Variants in S100A8 observed in about 807,000 individuals in gnomAD.
S100A8 encodes protein S100-A8.
A neutral mutation model predicts 4.2 loss-of-function variants in S100A8; 1 was observed. The ratio of observed to expected loss-of-function variants is 0.24; its 90% CI spans 0.08 to 1.12. The LOEUF is 1.12. Among genes scored for constraint, S100A8 ranks in the 50% most tolerant of loss-of-function variants. The pLI, the probability that S100A8 is intolerant of heterozygous loss-of-function variation, is 0.53. For missense variants in S100A8, 96 were observed against 111.8 expected (o/e 0.86, Z 0.64); for synonymous variants, 41 against 44.7 (o/e 0.92, Z 0.33).
the S100A8 span, among the ~76,000 whole-genome samples, chr1:153,415,181 T>C: frequency 2.6e-5 from 4 of 151,126 alleles, no homozygotes; most frequent in African/African-American, 9.9e-5. Flanking sequence ...TTTGTGTGTG[T>C]GTGCGTGTGT....
chr1:153,395,446 C>T (rs575915061), upstream of S100A8, among the ~76,000 whole-genome samples: 1 of 152,150 alleles, frequency 6.6e-6, no homozygotes, highest in Non-Finnish European at 1.5e-5. Flanking sequence ...TCTGGATCCT[C>T]CTCTCCCTCA....
chr1:153,390,724 G>C, intron 1 of S100A8, 167 bp from the exon 2 acceptor site: 2 of 820,868 alleles, frequency 2.4e-6, no homozygotes, highest in Non-Finnish European at 3.8e-6. Flanking sequence ...TGGGATGATA[G>C]GGATACACGT....
the S100A8 span, among the ~76,000 whole-genome samples, chr1:153,412,747 A>G: frequency 9.8e-5 from 15 of 152,312 alleles, no homozygotes; most frequent in Middle Eastern, 3.4e-3. Context: ...ATGTCCATCA[A>G]TGATAGACTG....
At chr1:153,419,067 T>A in the S100A8 span, 1 of 1,483,472 alleles carries the variant, frequency 6.7e-7, no homozygotes, top group Admixed American at 1.7e-5. Context: ...TCTGTATCTC[T>A]GCCTCCTCCT....
At chr1:153,411,979 A>C in the S100A8 span, among the ~76,000 whole-genome samples, 2 of 152,268 alleles carry the variant, frequency 1.3e-5, no homozygotes, top group Non-Finnish European at 2.9e-5. Flanking sequence ...CACAAAAATT[A>C]AATCAAGATG....
the S100A8 span, among the ~76,000 whole-genome samples, chr1:153,417,024 C>T: frequency 2.6e-5 from 4 of 152,272 alleles, no homozygotes; most frequent in Non-Finnish European, 1.5e-5. Flanking sequence ...GGGCACAGGG[C>T]TTGGCCTCTG....
At chr1:153,390,849 G>T (rs1015551297) in intron 1 of S100A8, 192 bp downstream of exon 1, 7 of 460,896 alleles carry the variant, frequency 1.5e-5, no homozygotes, top group Non-Finnish European at 2.4e-5. Context: ...GAGACAATGT[G>T]CCCTTACCCA....
At chr1:153,418,860 G>A in the S100A8 span, among the ~76,000 whole-genome samples, 2 of 152,288 alleles carry the variant, frequency 1.3e-5, no homozygotes, top group East Asian at 3.9e-4. Context: ...CAAGATTGAG[G>A]CTGGGGCAGG....
At chr1:153,394,973 TG>T (rs1443364094), upstream of S100A8, among the ~76,000 whole-genome samples, 2 of 152,116 alleles carry the variant, frequency 1.3e-5, no homozygotes, top group Non-Finnish European at 2.9e-5. Flanking sequence ...CCCTCTAAAG[TG>T]GGCTCTGGCA....
chr1:153,411,834 T>C, the S100A8 span, among the ~76,000 whole-genome samples: 1 of 152,110 alleles, frequency 6.6e-6, no homozygotes, highest in Non-Finnish European at 1.5e-5. Context: ...ACCACACAAC[T>C]ACAACCATCT....
At chr1:153,401,222 A>G in the S100A8 span, among the ~76,000 whole-genome samples, 1 of 152,204 alleles carries the variant, frequency 6.6e-6, no homozygotes, top group Admixed American at 6.5e-5. Flanking sequence ...TTATGAATCC[A>G]TTATTGTTAG....
chr1:153,419,139 T>C, the S100A8 span: 2 of 1,612,600 alleles, frequency 1.2e-6, no homozygotes, highest in African/African-American at 2.7e-5. Context: ...GTTTTTCTCT[T>C]CACAGGACAA....
the S100A8 span, among the ~76,000 whole-genome samples, chr1:153,400,361 G>C: frequency 2.0e-5 from 3 of 152,132 alleles, no homozygotes; most frequent in Non-Finnish European, 4.4e-5. Flanking sequence ...GTGAGTGACA[G>C]GTGGGGTCCC....
chr1:153,393,566 A>G (rs1408381990), upstream of S100A8, among the ~76,000 whole-genome samples: 1 of 152,236 alleles, frequency 6.6e-6, no homozygotes, highest in African/African-American at 2.4e-5. Context: ...GTATAAATTC[A>G]TCAAACAAAT....
At chr1:153,406,337 T>G in the S100A8 span, among the ~76,000 whole-genome samples, 1 of 151,908 alleles carries the variant, frequency 6.6e-6, no homozygotes, top group African/African-American at 2.4e-5. Flanking sequence ...TGCAGGGACA[T>G]GGGGATGATG....
the S100A8 span, among the ~76,000 whole-genome samples, chr1:153,407,891 C>T: frequency 3.9e-5 from 6 of 152,324 alleles, no homozygotes; most frequent in African/African-American, 1.2e-4. Flanking sequence ...TTCCAACAGA[C>T]CTGCAGCTGA....
chr1:153,396,847 G>T, the S100A8 span: 7 of 152,382 alleles, frequency 4.6e-5, no homozygotes, highest in African/African-American at 1.7e-4. Flanking sequence ...ACTGGGAGGG[G>T]ATGGGGTAAC....
the S100A8 span, among the ~76,000 whole-genome samples, chr1:153,399,074 G>A: frequency 1.3e-5 from 2 of 152,172 alleles, no homozygotes; most frequent in South Asian, 2.1e-4. Context: ...TCTTGGAAGA[G>A]GCACTGACCT....
At chr1:153,395,570 G>A (rs561002261), upstream of S100A8, among the ~76,000 whole-genome samples, 1 of 152,252 alleles carries the variant, frequency 6.6e-6, no homozygotes, top group African/African-American at 2.4e-5. Flanking sequence ...AGGCTGTGCA[G>A]GTCTGATCTG....
Sources: gnomAD v4.1 joint callset for allele counts (sites outside exome capture counted in the v4.1 genomes callset) on GRCh38, gnomAD v4.1.1 for gene constraint, MANE v1.5 for transcripts, NCBI Gene and HGNC (gene_info 2026-07-23, HGNC 2026-07-21) for gene names.